The following NOBOX variants were observed in gnomAD, a reference collection of about 807,000 sequenced individuals.
NOBOX encodes homeobox protein NOBOX.
A neutral mutation model predicts 60.2 loss-of-function variants in NOBOX; 46 were observed. The observed-to-expected ratio is 0.76, with a 90% CI of 0.60 to 0.98. The LOEUF (loss-of-function observed/expected upper bound fraction) is 0.98. NOBOX is among the 50% of genes least tolerant of loss of function. The pLI is 0.00. For missense variants in NOBOX, 880 were observed against 865.5 expected (o/e 1.02, Z -0.21); for synonymous variants, 360 against 346.3 (o/e 1.04, Z -0.44).
At chr7:144,403,594 C>A (rs1447416400) in intron 2 of NOBOX, 63 bp downstream of exon 1, 145 of 602,762 alleles carry the variant, frequency 2.4e-4, no homozygotes, top group African/African-American at 2.2e-3. Context: ...TGATCACAGG[C>A]CTCCCCCCCT....
intron 1 of NOBOX, among the ~76,000 whole-genome samples, chr7:144,405,203 T>C (rs1204777529): frequency 6.6e-6 from 1 of 152,174 alleles, no homozygotes; most frequent in Non-Finnish European, 1.5e-5. Flanking sequence ...GCGGATAGCT[T>C]CTGTTTTATG....
At chr7:144,404,021 G>A (rs954182012) in intron 2 of NOBOX, among the ~76,000 whole-genome samples, 1 of 152,026 alleles carries the variant, frequency 6.6e-6, no homozygotes, top group Non-Finnish European at 1.5e-5. Context: ...GGTGGGAGGC[G>A]GGAGCGAGGC....
At position 144,401,089 on chromosome 7, in the gene NOBOX, C is replaced by G. The variant is rs2053934402; in HGVS notation, c.801G>C (p.Val267=). 6.5e-7 allele frequency: 1 copy of G among 1,535,572 alleles called. No homozygotes were observed. The highest frequency in any genetic ancestry group is 8.7e-7 in the Non-Finnish European group (1 of 1,144,398). ...GTGTCTTTTTCCTAATTTGGCAGGT[C>G]ACTTCCGGGGGCCCCTGCTTGTGGT... The change falls in exon 4 of 10, where the codon GTG becomes GTC. Residue 267 remains valine, a synonymous_variant. Coordinates refer to ENST00000467773, the MANE Select transcript of NOBOX (RefSeq NM_001080413.3). The surrounding 1 kb of genome is among the most constrained non-coding windows in gnomAD (Gnocchi z 4.2).
intron 8 of NOBOX, among the ~76,000 whole-genome samples, 178 bp downstream of exon 6, chr7:144,398,772 A>G (rs910616437): frequency 6.6e-6 from 1 of 151,584 alleles, no homozygotes; most frequent in Non-Finnish European, 1.5e-5. Context: ...TTTCTGCTCT[A>G]TTGCTGTGAT....
intron 9 of NOBOX, among the ~76,000 whole-genome samples, chr7:144,397,966 G>C (rs1213556358): frequency 2.0e-5 from 3 of 152,108 alleles, no homozygotes; most frequent in Non-Finnish European, 2.9e-5. Flanking sequence ...TCCTCACCAA[G>C]TCCCTCCCTG....
Position 144,410,149 on chromosome 7 carries a change from G to A in NOBOX, c.79C>T (p.Gln27Ter), listed in dbSNP as rs1318330888. The change falls in exon 1 of 10, where the codon CAG becomes TAG. Residue 27 changes from glutamine (Q) to a stop codon, truncating the protein, a stop_gained. Coordinates refer to ENST00000467773, the MANE Select transcript of NOBOX (RefSeq NM_001080413.3). LOFTEE classifies it high-confidence loss of function. ...TTCCAGGACATGAGCTCACCCTCCT[G>A]GGCTTTGAAGCCATCCTTGTCTCTG... The A allele has an allele frequency of 6.4e-6, 10 of 1,561,624 alleles. No individual in the cohort carries two copies. The Admixed American group carries it at 7.6e-5, about 12-fold the overall frequency.
In NOBOX at chr7:144,397,468, C is replaced by T. The variant is rs1286314629; in HGVS notation, c.1848G>A (p.Gly616=). 2.0e-6 allele frequency: 3 copies of T among 1,536,834 alleles called. No individual in the cohort carries two copies. Among genetic ancestry groups the T allele is most frequent in the Non-Finnish European group, 2.6e-6 (3 of 1,146,560 alleles). The change falls in exon 10 of 10, where the codon GGG becomes GGA. Residue 616 remains glycine (G), a synonymous_variant. Transcript: ENST00000467773. ...AGTAGCCATCCCCTCCTGGGGGATG[C>T]CCCAGAGCTTGTGGGCAGAACGGAC...
rs1303606325 is a variant in NOBOX, at chr7:144,399,812, C to A, written c.1099G>T (p.Gly367Trp). ...GCAGGATTGTCCTTGCTTTCTTTCC[C>A]ATTCAGTTTCTCCATTTTTCGCCAC... The change falls in exon 6 of 10, where the codon GGG (glycine) becomes TGG (tryptophan). Residue 367 changes from glycine (G) to tryptophan (W), a missense_variant. Transcript: ENST00000467773. The A allele has an allele frequency of 2.1e-5, 34 of 1,612,864 alleles. No homozygotes were observed. Among genetic ancestry groups the A allele is most frequent in the Non-Finnish European group, 2.6e-5 (31 of 1,179,202 alleles).
chr7:144,399,756 C>T lies in NOBOX; in HGVS notation c.1154+1G>A. The T allele has an allele frequency of 1.9e-6, 3 of 1,606,772 alleles. No individual in the cohort carries two copies. Among genetic ancestry groups the T allele is most frequent in the Non-Finnish European group, 2.6e-6 (3 of 1,175,514 alleles). ...GATACAGAAAGAGGAAGAATTCTGA[C>T]CTGCATTGACTGCTGGCAGGGCCAG... On this transcript the variant is annotated splice_donor_variant, in intron 6 of 9. Coordinates refer to ENST00000467773, the MANE Select transcript of NOBOX (RefSeq NM_001080413.3). LOFTEE classifies it high-confidence loss of function.
chr7:144,405,171 T>C (rs914509213), intron 1 of NOBOX, among the ~76,000 whole-genome samples: 2 of 152,230 alleles, frequency 1.3e-5, no homozygotes, highest in Non-Finnish European at 2.9e-5. Context: ...ATCTGCTGTT[T>C]CATTCTGATG....
At chr7:144,410,102 G>C in intron 1 of NOBOX, 1 of 1,274,066 alleles carries the variant, frequency 7.8e-7, no homozygotes, top group South Asian at 1.3e-5. Context: ...TCAGAGTGTG[G>C]TGCTCACAAT....
In NOBOX at chr7:144,403,707, G is replaced by C. The variant is rs1732310994; in HGVS notation, c.210+849C>G. Reference sequence around the variant, plus strand: ...TGTGGGTTCCATGGCCTGGACTCCCGCCGCCGCGGCCGGCCCGTGATGCAC... The same window carrying C: ...TGTGGGTTCCATGGCCTGGACTCCCCCCGCCGCGGCCGGCCCGTGATGCAC... On this transcript the variant is annotated intron_variant, in intron 2 of 9. Coordinates refer to ENST00000467773, the MANE Select transcript of NOBOX (RefSeq NM_001080413.3). 1 of 691,140 alleles carries C rather than the reference G, an allele frequency of 1.4e-6. No individual in the cohort carries two copies. The highest frequency in any genetic ancestry group is 2.6e-6 in the Non-Finnish European group (1 of 378,792). The allele number at this position is 691,140 out of a possible 1,614,324, so 42.8% of individuals were successfully genotyped here.
chr7:144,405,482 A>T (rs1024334451), intron 1 of NOBOX, among the ~76,000 whole-genome samples: 9 of 152,158 alleles, frequency 5.9e-5, no homozygotes, highest in Non-Finnish European at 1.0e-4. Context: ...TGGAGTACGG[A>T]GGAGCAGGAA....
intron 9 of NOBOX, among the ~76,000 whole-genome samples, chr7:144,397,967 T>G (rs1333366786): frequency 6.6e-6 from 1 of 152,090 alleles, no homozygotes; most frequent in East Asian, 1.9e-4. Context: ...CCTCACCAAG[T>G]CCCTCCCTGA....
chr7:144,400,093 C>A, intron 5 of NOBOX, 113 bp downstream of exon 3: 1 of 1,608,736 alleles, frequency 6.2e-7, no homozygotes, highest in Non-Finnish European at 8.5e-7. Flanking sequence ...CGTCTGAGGC[C>A]TCAATTCAGC....
intron 2 of NOBOX, among the ~76,000 whole-genome samples, chr7:144,402,416 ATATT>A (rs1472243638): frequency 2.0e-5 from 3 of 152,212 alleles, no homozygotes; most frequent in African/African-American, 7.2e-5. Flanking sequence ...AGCACAGTGC[ATATT>A]TAATCTCTGC....
Position 144,401,950 on chromosome 7 carries a change from G to T in NOBOX, c.211C>A (p.Pro71Thr). 6.2e-7 allele frequency: 1 copy of T among 1,608,462 alleles called. No homozygotes were observed. The highest frequency in any genetic ancestry group is 8.5e-7 in the Non-Finnish European group (1 of 1,175,132). Residue 71 changes from proline to threonine, a missense_variant and splice_region_variant, in exon 3 of 10, where the codon CCC (proline) becomes ACC (threonine). Pro to Thr is a conservative substitution (Grantham distance 38, BLOSUM62 -1). Coordinates refer to ENST00000467773, the MANE Select transcript of NOBOX (RefSeq NM_001080413.3). The surrounding 1 kb of genome is among the most constrained non-coding windows in gnomAD (Gnocchi z 4.2). ...GGTATCTCTAAGGGATCATGTTGGG[G>T]CTGCGGATGGACCAGGAAGACAAAG...
At position 144,399,119 on chromosome 7, in the gene NOBOX, C is replaced by A. The variant is rs749761088; in HGVS notation, c.1300G>T (p.Ala434Ser). 4 of 1,556,102 alleles carry A rather than the reference C, an allele frequency of 2.6e-6. No individual in the cohort carries two copies. Among genetic ancestry groups the A allele is most frequent in the Non-Finnish European group, 3.5e-6 (4 of 1,130,772 alleles). ...AGTGGGGGGGTCACCACCCTCTGAG[C>A]ACCCTCACTGGGTTGGGTGGGGGCC... The change falls in exon 8 of 10, where the codon GCT becomes TCT. Residue 434 changes from alanine to serine, a missense_variant. Physicochemically the swap from Ala to Ser is moderately conservative, Grantham distance 99. Transcript: ENST00000467773.
intron 5 of NOBOX, 171 bp from the exon 4 acceptor site, chr7:144,400,034 C>T: frequency 6.7e-7 from 1 of 1,489,974 alleles, no homozygotes; most frequent in Non-Finnish European, 9.2e-7. Flanking sequence ...CCTTCCTCTC[C>T]TAATGCTCTC....
Sources: gnomAD v4.1 joint callset for allele counts (sites outside exome capture counted in the v4.1 genomes callset) on GRCh38, gnomAD v4.1.1 for gene constraint, Gnocchi (gnomAD v3.1) non-coding constraint, MANE v1.5 for transcripts, NCBI Gene and HGNC (gene_info 2026-07-23, HGNC 2026-07-21) for gene names.